RANBP2: variants seen among roughly 807,000 people sequenced by gnomAD.
The protein encoded by RANBP2 is E3 SUMO-protein ligase RanBP2.
In RANBP2, 57 loss-of-function variants were observed where a neutral mutation model predicts 303.6. That is an observed-to-expected ratio of 0.19 (90% CI 0.15 to 0.23). The LOEUF (loss-of-function observed/expected upper bound fraction) is 0.23, where lower values mean the gene tolerates loss of function less well. Ranked by LOEUF, RANBP2 falls within the 10% of genes least tolerant of loss-of-function variation. The pLI is 1.00. For synonymous variants in RANBP2, 1,167 were observed against 1,301.5 expected (o/e 0.90, Z 2.23); for missense variants, 3,138 against 3,780.8 (o/e 0.83, Z 4.46).
the RANBP2 span, among the ~76,000 whole-genome samples, chr2:108,936,246 G>A: frequency 1.3e-5 from 2 of 152,214 alleles, no homozygotes; most frequent in Admixed American, 6.5e-5. Flanking sequence ...CTGATGGTTC[G>A]GAGTTACCTT....
the RANBP2 span, chr2:109,617,145 T>G: frequency 6.0e-6 from 1 of 166,648 alleles, no homozygotes; most frequent in South Asian, 2.1e-4. Flanking sequence ...ACATTGGTAG[T>G]CTCTATGACT....
chr2:109,054,286 G>A, the RANBP2 span, among the ~76,000 whole-genome samples: 1 of 152,152 alleles, frequency 6.6e-6, no homozygotes, highest in Non-Finnish European at 1.5e-5. Context: ...AAAGGAAAGA[G>A]GTGCCCATCC....
At chr2:109,298,746 C>G in the RANBP2 span, among the ~76,000 whole-genome samples, 1 of 152,138 alleles carries the variant, frequency 6.6e-6, no homozygotes, top group African/African-American at 2.4e-5. Context: ...GTGAAATATC[C>G]CTGATCTAAC....
At chr2:109,564,478 T>A in the RANBP2 span, 332 of 1,584,098 alleles carry the variant, frequency 2.1e-4, no homozygotes, top group Non-Finnish European at 2.8e-4. Flanking sequence ...TCCTCCATAT[T>A]TGTACAAATG....
the RANBP2 span, among the ~76,000 whole-genome samples, chr2:109,740,597 A>T: frequency 6.6e-6 from 1 of 152,248 alleles, no homozygotes; most frequent in African/African-American, 2.4e-5. Flanking sequence ...CAAGTATAAA[A>T]GAATAGAAAA....
rs939517014 is a variant in RANBP2, at chr2:108,735,667, T to C, written c.541T>C (p.Leu181=). Residue 181 remains leucine (L), a synonymous_variant, in exon 5 of 29, where the codon TTG becomes CTG. Coordinates refer to ENST00000283195, the MANE Select transcript of RANBP2 (RefSeq NM_006267.5). ...LVEVYRSTKR[L]KDAVAHCHEA... ...GGAGGTGTATCGCTCAACTAAAAGA[T>C]TGAAGGATGCTGTGGCCCACTGCCA... 7 of 1,597,446 alleles carry C rather than the reference T, an allele frequency of 4.4e-6. No individual in the cohort carries two copies. The highest frequency in any genetic ancestry group is 1.3e-5 in the African/African-American group (1 of 74,846).
the RANBP2 span, among the ~76,000 whole-genome samples, chr2:109,067,054 G>C: frequency 6.6e-6 from 1 of 151,580 alleles, no homozygotes; most frequent in South Asian, 2.1e-4. Context: ...ATATAGCAGA[G>C]AGGCAAAATA....
At chr2:108,964,112 G>A in the RANBP2 span, among the ~76,000 whole-genome samples, 13 of 152,162 alleles carry the variant, frequency 8.5e-5, no homozygotes, top group African/African-American at 2.7e-4. Context: ...AAACAGACAC[G>A]TATGGCTGTG....
At chr2:108,827,632 C>A in the RANBP2 span, among the ~76,000 whole-genome samples, 1 of 151,854 alleles carries the variant, frequency 6.6e-6, no homozygotes, top group East Asian at 1.9e-4. Flanking sequence ...CTGGCTAACA[C>A]AGTGAAACCC....
the RANBP2 span, among the ~76,000 whole-genome samples, chr2:108,892,632 C>A: frequency 6.6e-6 from 1 of 152,186 alleles, no homozygotes; most frequent in African/African-American, 2.4e-5. Context: ...CCCATGGTCT[C>A]CCAGCAGCTC....
At chr2:109,761,331 G>T in the RANBP2 span, among the ~76,000 whole-genome samples, 1 of 150,904 alleles carries the variant, frequency 6.6e-6, no homozygotes, top group Non-Finnish European at 1.5e-5. Flanking sequence ...GTGTTTCTCC[G>T]TGCCGGTATT....
At chr2:109,377,286 G>A in the RANBP2 span, among the ~76,000 whole-genome samples, 3 of 152,218 alleles carry the variant, frequency 2.0e-5, no homozygotes, top group South Asian at 2.1e-4. Flanking sequence ...TCTGTGTGGG[G>A]AGATGCTGGA....
chr2:109,387,768 G>A, the RANBP2 span, among the ~76,000 whole-genome samples: 2 of 152,174 alleles, frequency 1.3e-5, no homozygotes, highest in African/African-American at 2.4e-5. Flanking sequence ...GGTTTTGTCT[G>A]TATTTATTTC....
chr2:108,931,841 A>G, the RANBP2 span, among the ~76,000 whole-genome samples: 2 of 152,106 alleles, frequency 1.3e-5, no homozygotes, highest in African/African-American at 4.8e-5. Flanking sequence ...AAGAGAGATA[A>G]TGTGCTCTAG....
At chr2:109,378,200 C>T in the RANBP2 span, among the ~76,000 whole-genome samples, 3 of 152,304 alleles carry the variant, frequency 2.0e-5, no homozygotes, top group South Asian at 2.1e-4. Context: ...TCCTGTGGTC[C>T]GGGTGGGTTC....
chr2:109,560,951 C>G, the RANBP2 span, among the ~76,000 whole-genome samples: 1 of 152,196 alleles, frequency 6.6e-6, no homozygotes, highest in African/African-American at 2.4e-5. Flanking sequence ...AAGAAATGCT[C>G]TCCTAACTGG....
chr2:108,824,981 A>AGG, the RANBP2 span, among the ~76,000 whole-genome samples: 4 of 152,208 alleles, frequency 2.6e-5, no homozygotes, highest in Non-Finnish European at 5.9e-5. Context: ...GTTGTTTCAG[A>AGG]GGGAACTCTT....
At chr2:108,875,163 C>G in the RANBP2 span, among the ~76,000 whole-genome samples, 3 of 151,316 alleles carry the variant, frequency 2.0e-5, no homozygotes, top group Non-Finnish European at 2.9e-5. Context: ...AGGACAAACT[C>G]TCTCAAGAGA....
chr2:109,485,151 G>T, the RANBP2 span, among the ~76,000 whole-genome samples: 2 of 152,208 alleles, frequency 1.3e-5, no homozygotes, highest in Non-Finnish European at 2.9e-5. Context: ...CTGACCCAGC[G>T]TTTGGTGTGT....
Sources: gnomAD v4.1 joint callset for allele counts (sites outside exome capture counted in the v4.1 genomes callset) on GRCh38, gnomAD v4.1.1 for gene constraint, MANE v1.5 for transcripts, NCBI Gene and HGNC (gene_info 2026-07-23, HGNC 2026-07-21) for gene names.